The following NME9 variants were observed in gnomAD, a reference collection of about 807,000 sequenced individuals.
The protein encoded by NME9 is NME/NM23 family member 9.
A neutral mutation model predicts 44.4 loss-of-function variants in NME9; 48 were observed. The ratio of observed to expected loss-of-function variants is 1.08; its 90% CI spans 0.86 to 1.37. NME9 has a LOEUF of 1.37. Ranked by LOEUF, NME9 falls within the 40% of genes most tolerant of loss-of-function variation. The pLI is 0.00. For synonymous variants in NME9, 139 were observed against 147.1 expected, an observed-to-expected ratio of 0.94 and a Z score of 0.40; for missense variants, 325 against 405.2, an observed-to-expected ratio of 0.80 and a Z score of 1.70.
At chr3:138,309,875 A>G (rs865872320) in intron 6 of NME9, among the ~76,000 whole-genome samples, 5 of 151,886 alleles carry the variant, frequency 3.3e-5, no homozygotes, top group South Asian at 4.2e-4. Flanking sequence ...TAAAAATACA[A>G]AATTAGCCAG....
chr3:138,301,490 T>G lies in NME9; in HGVS notation c.*150A>C. 7.0e-7 allele frequency: 1 copy of G among 1,418,802 alleles called. No homozygotes were observed. The highest frequency in any genetic ancestry group is 9.2e-7 in the Non-Finnish European group (1 of 1,083,560). 87.9% of individuals were successfully genotyped at this position (1,418,802 alleles called of 1,614,324 possible). A position where few individuals can be genotyped will look rare whatever the true frequency, so the allele number is the denominator to read the frequency against. ...AAAGTGCTGGGATTACAGGTGTGAG[T>G]CACTGCGCCCAGCCATATTATTTTC... On this transcript the variant is annotated 3_prime_UTR_variant, in exon 11 of 11. Coordinates refer to ENST00000333911, the MANE Select transcript of NME9 (RefSeq NM_001349018.2).
downstream of NME9, among the ~76,000 whole-genome samples, chr3:138,299,399 C>T (rs1167432736): frequency 2.0e-5 from 3 of 152,172 alleles, no homozygotes; most frequent in African/African-American, 7.2e-5. Flanking sequence ...GTCAGGCACT[C>T]ACACCCAGGA....
intron 8 of NME9, chr3:138,264,097 T>A: frequency 6.3e-7 from 1 of 1,588,082 alleles, no homozygotes; most frequent in East Asian, 2.2e-5. Context: ...AAGTTTTGAT[T>A]TCTTGTGAAG....
intron 10 of NME9, 54 bp from the exon 11 acceptor site, chr3:138,301,758 T>C (rs2108425582): frequency 7.3e-7 from 1 of 1,378,454 alleles, no homozygotes; most frequent in Non-Finnish European, 1.0e-6. Context: ...GTCCCAGACC[T>C]TCTGTCCCAC....
intron 4 of NME9, among the ~76,000 whole-genome samples, chr3:138,317,059 A>G (rs567749018): frequency 1.3e-5 from 2 of 152,222 alleles, no homozygotes; most frequent in East Asian, 1.9e-4. Flanking sequence ...CATACAGCCA[A>G]TTAGGATTTA....
At chr3:138,282,364 T>G (rs1308716714) in intron 8 of NME9, among the ~76,000 whole-genome samples, 1 of 152,128 alleles carries the variant, frequency 6.6e-6, no homozygotes, top group Non-Finnish European at 1.5e-5. Flanking sequence ...AGAATACTTG[T>G]AGGCTGGGCA....
At chr3:138,299,427 C>T (rs1308756871), downstream of NME9, among the ~76,000 whole-genome samples, 1 of 152,138 alleles carries the variant, frequency 6.6e-6, no homozygotes, top group Non-Finnish European at 1.5e-5. Flanking sequence ...GATCTTAAAG[C>T]CAAAAACAGC....
chr3:138,327,142 C>G (rs980907319), intron 1 of NME9: 1 of 119,076 alleles, frequency 8.4e-6, no homozygotes, highest in Non-Finnish European at 1.7e-5. Flanking sequence ...GGCGACAGGA[C>G]AGAATGAAAC....
chr3:138,273,923 T>A (rs2049020669), intron 8 of NME9, among the ~76,000 whole-genome samples: 1 of 152,022 alleles, frequency 6.6e-6, no homozygotes, highest in Non-Finnish European at 1.5e-5. Context: ...TTCAAGTGAT[T>A]CTTCTTTCTC....
At chr3:138,324,455 GA>G (rs1251954488) in intron 2 of NME9, 1 of 459,068 alleles carries the variant, frequency 2.2e-6, no homozygotes, top group Non-Finnish European at 4.4e-6. Flanking sequence ...GGATAGGGAT[GA>G]GGAGGCCCAT....
downstream of NME9, among the ~76,000 whole-genome samples, chr3:138,300,090 G>A (rs916009951): frequency 2.0e-5 from 3 of 152,192 alleles, no homozygotes; most frequent in African/African-American, 4.8e-5. Flanking sequence ...TGAGTCTGGG[G>A]ATCTGGAATA....
At position 138,306,466 on chromosome 3, in the gene NME9, T is replaced by G. The variant is rs753798122; in HGVS notation, c.475A>C (p.Thr159Pro). The G allele has an allele frequency of 6.8e-6, 11 of 1,609,530 alleles. No individual in the cohort carries two copies. The highest frequency in any genetic ancestry group is 9.3e-6 in the Non-Finnish European group (11 of 1,178,138). Reference protein sequence around the residue: ...EDEDMVSSERTCTLAIIKPDA... With the variant: ...EDEDMVSSERPCTLAIIKPDA... ...GGTTTAATGATGGCCAAGGTACAGG[T>G]CCTCTCTGATGAAACTAAGCCAAAA... Residue 159 changes from threonine (T) to proline (P), a missense_variant, in exon 7 of 11, where the codon ACC becomes CCC. By Grantham distance (38) the Thr-to-Pro change is conservative. Coordinates refer to ENST00000333911, the MANE Select transcript of NME9 (RefSeq NM_001349018.2).
At chr3:138,280,533 G>A (rs571302917) in intron 8 of NME9, among the ~76,000 whole-genome samples, 2 of 147,780 alleles carry the variant, frequency 1.4e-5, no homozygotes, top group Non-Finnish European at 3.0e-5. Flanking sequence ...TCGCTCTGTC[G>A]CCCAGGCTGG....
chr3:138,262,928 G>A (rs1339494196), intron 8 of NME9, among the ~76,000 whole-genome samples: 1 of 152,204 alleles, frequency 6.6e-6, no homozygotes, highest in South Asian at 2.1e-4. Context: ...GGAAAGCTCT[G>A]TATTATCCAG....
chr3:138,309,466 C>T (rs1378417714), intron 6 of NME9, among the ~76,000 whole-genome samples: 1 of 152,184 alleles, frequency 6.6e-6, no homozygotes, highest in African/African-American at 2.4e-5. Context: ...AAGTGGATCA[C>T]TCGAGGCTAG....
intron 8 of NME9, among the ~76,000 whole-genome samples, chr3:138,273,831 T>G (rs888112893): frequency 6.6e-6 from 1 of 152,088 alleles, no homozygotes; most frequent in Non-Finnish European, 1.5e-5. Context: ...CTTTTTTTTT[T>G]TTTGAGACAG....
At chr3:138,320,929 G>A (rs2053427826) in intron 2 of NME9, among the ~76,000 whole-genome samples, 1 of 152,186 alleles carries the variant, frequency 6.6e-6, no homozygotes, top group Non-Finnish European at 1.5e-5. Context: ...TTAGAAGAGG[G>A]AGCTAATATC....
chr3:138,281,173 G>A (rs1427115489), intron 8 of NME9, among the ~76,000 whole-genome samples: 2 of 151,746 alleles, frequency 1.3e-5, no homozygotes, highest in Non-Finnish European at 2.9e-5. Context: ...ATTTCCAGTT[G>A]TTCATATTAG....
intron 4 of NME9, among the ~76,000 whole-genome samples, chr3:138,317,837 G>A (rs1219041786): frequency 6.6e-6 from 1 of 152,182 alleles, no homozygotes; most frequent in African/African-American, 2.4e-5. Context: ...AAGTCAGGAA[G>A]GTTGCCCCAG....
Sources: allele counts gnomAD v4.1 joint callset (sites outside exome capture counted in the v4.1 genomes callset), GRCh38; gene constraint gnomAD v4.1.1; transcripts MANE v1.5; gene names NCBI Gene and HGNC (gene_info 2026-07-23, HGNC 2026-07-21).